DST: variants seen among roughly 807,000 people sequenced by gnomAD.
DST encodes bullous pemphigoid antigen.
Under a neutral mutation model 875.2 loss-of-function variants are expected in DST, and 253 were observed. The ratio of observed to expected loss-of-function variants is 0.29; its 90% CI spans 0.26 to 0.32. DST has a LOEUF of 0.32. Among genes scored for constraint, DST ranks in the 10% least tolerant of loss-of-function variants. DST has a pLI of 1.00. For missense variants in DST, 8,287 were observed against 9,111.6 expected (o/e 0.91, Z 3.68); for synonymous variants, 3,124 against 3,197.1 (o/e 0.98, Z 0.77).
chr6:56,704,922 C>T (rs1272884999), intron 5 of DST, among the ~76,000 whole-genome samples: 2 of 152,144 alleles, frequency 1.3e-5, no homozygotes, highest in African/African-American at 4.8e-5. Flanking sequence ...GTTAGAAGTC[C>T]TCTGTCCAAA....
At chr6:56,757,455 G>T (rs2099606953) in intron 4 of DST, among the ~76,000 whole-genome samples, 1 of 152,098 alleles carries the variant, frequency 6.6e-6, no homozygotes, top group African/African-American at 2.4e-5. Context: ...TTTTCAAATT[G>T]ACAGTATAAG....
chr6:56,915,387 T>A (rs572769176), intron 2 of DST, among the ~76,000 whole-genome samples: 2 of 152,224 alleles, frequency 1.3e-5, no homozygotes, highest in East Asian at 3.9e-4. Context: ...AAGTGGTAAA[T>A]GTTCACACTA....
intron 4 of DST, among the ~76,000 whole-genome samples, chr6:56,839,649 A>G (rs1374629874): frequency 6.6e-6 from 1 of 152,334 alleles, no homozygotes; most frequent in African/African-American, 2.4e-5. Context: ...AATTCAAGGG[A>G]GTGTCAGAGC....
At position 56,600,538 on chromosome 6, in the gene DST, C is replaced by T. The variant is rs114751081; in HGVS notation, c.11542-317G>A. ...TCTTAAGCTGTTGAAACCTGCGACACATAGAATTAATTCTGCAAAAGGACA... is the reference window on the plus strand; with the variant it reads ...TCTTAAGCTGTTGAAACCTGCGACATATAGAATTAATTCTGCAAAAGGACA... On this transcript the variant is annotated intron_variant, in intron 44 of 103. Transcript: ENST00000680361. Among the ~76,000 whole-genome samples, 4,808 of 152,098 alleles carry T rather than the reference C, an allele frequency of 0.032. 233 individuals are homozygous for T. The highest frequency in any genetic ancestry group is 0.11 in the African/African-American group (4,392 of 41,492).
At chr6:56,590,598 T>C (rs1016531076) in intron 49 of DST, among the ~76,000 whole-genome samples, 2 of 152,126 alleles carry the variant, frequency 1.3e-5, no homozygotes, top group African/African-American at 2.4e-5. Flanking sequence ...TTTGTTCTTG[T>C]ACCTGTGGAA....
chr6:56,532,230 A>T, intron 64 of DST, 114 bp downstream of exon 64: 1 of 957,680 alleles, frequency 1.0e-6, no homozygotes, highest in Non-Finnish European at 1.6e-6. Flanking sequence ...CTGTTCACAT[A>T]CATGATAAAC....
chr6:56,492,096 A>C, intron 85 of DST, 131 bp downstream of exon 85: 1 of 851,596 alleles, frequency 1.2e-6, no homozygotes, highest in African/African-American at 1.7e-5. Flanking sequence ...TTAGGAAAGA[A>C]CCACCATGGC....
chr6:56,555,261 T>A (rs2097394921), intron 60 of DST, 84 bp downstream of exon 60: 1 of 1,443,318 alleles, frequency 6.9e-7, no homozygotes, highest in South Asian at 1.4e-5. Flanking sequence ...TTTGGGGTCC[T>A]GGATTATTGG....
intron 4 of DST, among the ~76,000 whole-genome samples, chr6:56,812,801 T>G (rs2099761997): frequency 6.6e-6 from 1 of 152,184 alleles, no homozygotes; most frequent in Admixed American, 6.6e-5. Context: ...GTAAACTTGT[T>G]CAACCATTGT....
Position 56,552,449 on chromosome 6 carries a change from A to T in DST, c.16343T>A (p.Met5448Lys). 6.2e-7 allele frequency: 1 copy of T among 1,613,970 alleles called. No homozygotes were observed. The highest frequency in any genetic ancestry group is 1.1e-5 in the South Asian group (1 of 91,082). The change falls in exon 61 of 104, where the codon ATG becomes AAG. Residue 5448 changes from methionine (M) to lysine (K), a missense_variant. By Grantham distance (95) the Met-to-Lys change is moderately conservative (BLOSUM62 -1). Around this residue, in one of 10 missense-constraint regions of DST, gnomAD observed 777 missense variants for 764.8 expected, o/e 1.02. Coordinates refer to ENST00000680361, the MANE Select transcript of DST (RefSeq NM_001374736.1). The part of the protein sequence containing the change: ...SNDNANKTCK[M>K]MLATEETSPD... ...AGAGGTTTCTTCTGTGGCTAACATC[A>T]TCTTGCAGGTTTTATTGGCATTGTC...
intron 37 of DST, among the ~76,000 whole-genome samples, chr6:56,612,575 T>A (rs1563187055): frequency 6.6e-6 from 1 of 152,198 alleles, no homozygotes; most frequent in African/African-American, 2.4e-5. Flanking sequence ...TTCTTTTAAA[T>A]TAGCAGAAAT....
At chr6:56,938,143 A>T (rs988795143) in intron 2 of DST, among the ~76,000 whole-genome samples, 16 of 146,004 alleles carry the variant, frequency 1.1e-4, no homozygotes, top group African/African-American at 1.8e-4. Flanking sequence ...TTTAAAAAAA[A>T]ATTTTTTTGA....
At chr6:56,472,365 T>C (rs2094939357) in intron 93 of DST, 143 bp from the exon 94 acceptor site, 4 of 729,166 alleles carry the variant, frequency 5.5e-6, no homozygotes, top group Non-Finnish European at 6.6e-6. Context: ...TTAGATGATG[T>C]ATAATGTCAA....
chr6:56,953,049 T>C (rs1426265825), intron 2 of DST, among the ~76,000 whole-genome samples: 1 of 152,180 alleles, frequency 6.6e-6, no homozygotes, highest in Non-Finnish European at 1.5e-5. Context: ...CCAACATGAG[T>C]AAACTGCACC....
Position 56,593,812 on chromosome 6 carries a change from A to G in DST, c.12577T>C (p.Tyr4193His), listed in dbSNP as rs1314983370. Residue 4193 changes from tyrosine (Y) to histidine (H), a missense_variant, in exon 48 of 104, where the codon TAC becomes CAC. Physicochemically the swap from Tyr to His is moderately conservative, Grantham distance 83. Transcript: ENST00000680361. ...ACTCTGTTTCCAGAAATTGTGATGTATCTCAAGTCACCTTTGTGAGAAATA... is the reference window on the plus strand; with the variant it reads ...ACTCTGTTTCCAGAAATTGTGATGTGTCTCAAGTCACCTTTGTGAGAAATA... ...DVISHKGDLR[Y>H]ITISGNRVLE... The G allele has an allele frequency of 1.2e-6, 2 of 1,613,948 alleles. No individual in the cohort carries two copies. Among genetic ancestry groups the G allele is most frequent in the African/African-American group, 1.3e-5 (1 of 75,026 alleles).
At position 56,730,206 on chromosome 6, in the gene DST, T is replaced by C. The variant is rs561049025; in HGVS notation, c.687+5022A>G. ...ATATAGACTTCTCTGGACTCCAATC[T>C]TCCCCTAAAAATCATTTATCCCCTT... On this transcript the variant is annotated intron_variant, in intron 5 of 103. Transcript: ENST00000680361. 6.6e-5 allele frequency among the ~76,000 whole-genome samples: 10 copies of C among 152,310 alleles called. No homozygotes were observed. In the South Asian group the frequency reaches 2.1e-3, roughly 32 times the overall value.
At chr6:56,916,666 T>C (rs1801083690) in intron 2 of DST, among the ~76,000 whole-genome samples, 1 of 151,098 alleles carries the variant, frequency 6.6e-6, no homozygotes, top group South Asian at 2.1e-4. Flanking sequence ...GGTGGGGGGA[T>C]CTCCTGAGCC....
chr6:56,833,792 T>C (rs1198588668), intron 4 of DST, among the ~76,000 whole-genome samples: 2 of 152,144 alleles, frequency 1.3e-5, no homozygotes, highest in African/African-American at 2.4e-5. Flanking sequence ...ATAGCTATAA[T>C]ATGCAGTGGC....
At position 56,671,837 on chromosome 6, in the gene DST, G is replaced by A. The variant is rs140850878; in HGVS notation, c.1048-1030C>T. 7.0e-3 allele frequency among the ~76,000 whole-genome samples: 1,068 copies of A among 152,258 alleles called. 9 individuals are homozygous for A. The highest frequency in any genetic ancestry group is 0.061 in the Middle Eastern group (18 of 294). On this transcript the variant is annotated intron_variant, in intron 9 of 103. Coordinates refer to ENST00000680361, the MANE Select transcript of DST (RefSeq NM_001374736.1). The stretch of plus-strand genomic sequence containing the variant: ...TGAAGAACAAATCATTCTGTCACAG[G>A]GAAAATATCACTTGACCAGAGTCAT...
Sources: allele counts gnomAD v4.1 joint callset (sites outside exome capture counted in the v4.1 genomes callset), GRCh38; gene constraint gnomAD v4.1.1; regional missense constraint gnomAD v4.1.1; transcripts MANE v1.5; gene names NCBI Gene and HGNC (gene_info 2026-07-23, HGNC 2026-07-21).